CPE: variants seen among roughly 807,000 people sequenced by gnomAD.
CPE encodes carbocypeptidase E.
Under a neutral mutation model 53.5 loss-of-function variants are expected in CPE, and 17 were observed. The ratio of observed to expected loss-of-function variants is 0.32; its 90% CI spans 0.22 to 0.48. The LOEUF is 0.48. Ranked by LOEUF, CPE falls within the 20% of genes least tolerant of loss-of-function variation. The probability of loss-of-function intolerance (pLI) is 0.99; values close to 1 mark genes in which losing one functional copy is unlikely to be tolerated. For synonymous variants in CPE, 226 were observed against 228.8 expected, an observed-to-expected ratio of 0.99 and a Z score of 0.11; for missense variants, 524 against 614.7, an observed-to-expected ratio of 0.85 and a Z score of 1.56.
At chr4:165,404,971 T>C in intron 1 of CPE, 1 of 756,398 alleles carries the variant, frequency 1.3e-6, no homozygotes, top group Non-Finnish European at 2.5e-6. Context: ...TCACTGCTTC[T>C]ACTTCCTTTA....
intron 1 of CPE, among the ~76,000 whole-genome samples, chr4:165,394,542 G>C (rs1209881273): frequency 6.6e-6 from 1 of 151,950 alleles, no homozygotes; most frequent in Non-Finnish European, 1.5e-5. Context: ...GAAGTTAAGG[G>C]TGAATAATAT....
rs138965279 is a variant in CPE at position 165,494,908 on chromosome 4, G to A, written c.1214-651G>A. On this transcript the variant is annotated intron_variant, in intron 7 of 8. Coordinates refer to ENST00000402744, the MANE Select transcript of CPE (RefSeq NM_001873.4). Reference sequence around the variant, plus strand: ...AAAGGAGAAGGTGTGAAGTGTCTACGAAAACCTTGCTCTTCAAAGTGTGGC... The same window carrying A: ...AAAGGAGAAGGTGTGAAGTGTCTACAAAAACCTTGCTCTTCAAAGTGTGGC... 5.7e-4 allele frequency among the ~76,000 whole-genome samples: 87 copies of A among 152,310 alleles called. No individual in the cohort carries two copies. In the East Asian group the frequency reaches 0.015, roughly 27 times the overall value.
At position 165,484,614 on chromosome 4, in the gene CPE, C is replaced by T; in HGVS notation, c.973+10C>T. Reference sequence around the variant, plus strand: ...TACAGCGTACCTGGAGGTGAGTTTCCATTGTGCTCTCTGATTATGTGATTG... The same window carrying T: ...TACAGCGTACCTGGAGGTGAGTTTCTATTGTGCTCTCTGATTATGTGATTG... On this transcript the variant is annotated intron_variant, in intron 5 of 8. Transcript: ENST00000402744. 6.2e-7 allele frequency: 1 copy of T among 1,611,866 alleles called. No homozygotes were observed. The highest frequency in any genetic ancestry group is 1.1e-5 in the South Asian group (1 of 90,710).
chr4:165,493,342 G>C, intron 7 of CPE, 72 bp downstream of exon 7: 1 of 1,093,816 alleles, frequency 9.1e-7, no homozygotes, highest in Non-Finnish European at 1.4e-6. Flanking sequence ...ATAATTATAA[G>C]TCTTATGTTC....
chr4:165,381,975 A>G (rs182722741), intron 1 of CPE, among the ~76,000 whole-genome samples: 2 of 152,310 alleles, frequency 1.3e-5, no homozygotes, highest in Admixed American at 1.3e-4. Flanking sequence ...CCTCTGCACA[A>G]CCCATAGAAG....
At position 165,444,775 on chromosome 4, in the gene CPE, A is replaced by G. The variant is rs191059387; in HGVS notation, c.308-19615A>G. ...GAGAGATTCATCTTGGGCTGTGGCA[A>G]TCTTCAGTTGCACAAACCGTGTGAA... On this transcript the variant is annotated intron_variant, in intron 1 of 8. Coordinates refer to ENST00000402744, the MANE Select transcript of CPE (RefSeq NM_001873.4). Among the ~76,000 whole-genome samples the G allele has an allele frequency of 5.5e-3, 845 of 152,284 alleles. 6 individuals are homozygous for G. The highest frequency in any genetic ancestry group is 0.02 in the African/African-American group (813 of 41,554).
intron 1 of CPE, among the ~76,000 whole-genome samples, chr4:165,445,626 G>A (rs1377414960): frequency 1.3e-5 from 2 of 152,104 alleles, no homozygotes; most frequent in African/African-American, 4.8e-5. Flanking sequence ...GAAGAAAGAT[G>A]TACTTATTGA....
At chr4:165,401,143 T>C (rs1026364890) in intron 1 of CPE, among the ~76,000 whole-genome samples, 1 of 152,216 alleles carries the variant, frequency 6.6e-6, no homozygotes, top group Non-Finnish European at 1.5e-5. Flanking sequence ...CTTCTGGTTC[T>C]CCTGACACCT....
At chr4:165,486,866 C>T (rs911499092) in intron 5 of CPE, among the ~76,000 whole-genome samples, 3 of 152,160 alleles carry the variant, frequency 2.0e-5, no homozygotes, top group Non-Finnish European at 4.4e-5. Flanking sequence ...CGGAGAGAGG[C>T]ATAGACCTGT....
At chr4:165,464,916 A>C (rs541762978) in intron 2 of CPE, among the ~76,000 whole-genome samples, 2 of 152,354 alleles carry the variant, frequency 1.3e-5, no homozygotes, top group African/African-American at 4.8e-5. Flanking sequence ...AAATATAAAA[A>C]ATATCTACTG....
At chr4:165,427,569 T>G (rs1026619075) in intron 1 of CPE, among the ~76,000 whole-genome samples, 2 of 152,210 alleles carry the variant, frequency 1.3e-5, no homozygotes, top group Non-Finnish European at 2.9e-5. Flanking sequence ...AAAATTAATA[T>G]GGGCATTGGG....
chr4:165,456,582 G>GT (rs1376917627), intron 1 of CPE, among the ~76,000 whole-genome samples: 1 of 145,336 alleles, frequency 6.9e-6, no homozygotes, highest in Non-Finnish European at 1.5e-5. Context: ...CTCTTTCTTT[G>GT]TTTCGACGGA....
chr4:165,478,266 A>G (rs1732338386), intron 3 of CPE, among the ~76,000 whole-genome samples: 2 of 152,216 alleles, frequency 1.3e-5, no homozygotes, highest in Non-Finnish European at 2.9e-5. Flanking sequence ...AGGTACTCCA[A>G]AGTCTTCTCT....
At chr4:165,381,765 T>C (rs79658780) in intron 1 of CPE, among the ~76,000 whole-genome samples, 1 of 152,260 alleles carries the variant, frequency 6.6e-6, no homozygotes, top group South Asian at 2.1e-4. Flanking sequence ...ACAAGTTTGA[T>C]GGTGCTTGTG....
In CPE at chr4:165,487,518, G is replaced by A. The variant is rs1217055803; in HGVS notation, c.1054G>A (p.Glu352Lys). Reference protein sequence around the residue: ...ELSCEKFPPEETLKTYWEDNK... With the variant: ...ELSCEKFPPEKTLKTYWEDNK... ...TAGCTGTGAGAAGTTCCCACCTGAA[G>A]AGACTCTGAAGACCTACTGGGAGGA... is the stretch of plus-strand genomic sequence containing the variant. The change falls in exon 6 of 9, where the codon GAG (glutamate) becomes AAG (lysine). Residue 352 changes from glutamate to lysine, a missense_variant. Coordinates refer to ENST00000402744, the MANE Select transcript of CPE (RefSeq NM_001873.4). 3 of 1,614,088 alleles carry A rather than the reference G, an allele frequency of 1.9e-6. No individual in the cohort carries two copies. The Admixed American group carries it at 5.0e-5, about 27-fold the overall frequency.
intron 1 of CPE, among the ~76,000 whole-genome samples, chr4:165,462,224 T>C (rs1485600226): frequency 6.6e-6 from 1 of 152,220 alleles, no homozygotes; most frequent in Non-Finnish European, 1.5e-5. Context: ...GGGAGCATGC[T>C]CTATCCCAAA....
rs539650371 is a variant in CPE, at chr4:165,400,465, A to G, written c.307+20937A>G. Reference sequence around the variant, plus strand: ...TATGATTCAGAGCTGTAGTCTCAAGATAGGACTGGGGGCATATGACGATGC... The same window carrying G: ...TATGATTCAGAGCTGTAGTCTCAAGGTAGGACTGGGGGCATATGACGATGC... On this transcript the variant is annotated intron_variant, in intron 1 of 8. Coordinates refer to ENST00000402744, the MANE Select transcript of CPE (RefSeq NM_001873.4). 5.3e-5 allele frequency among the ~76,000 whole-genome samples: 8 copies of G among 152,304 alleles called. No homozygotes were observed. The South Asian group carries it at 1.2e-3, about 24-fold the overall frequency.
At chr4:165,431,859 G>C (rs1196690505) in intron 1 of CPE, among the ~76,000 whole-genome samples, 1 of 152,066 alleles carries the variant, frequency 6.6e-6, no homozygotes, top group Non-Finnish European at 1.5e-5. Flanking sequence ...AATATTAAAG[G>C]CTTTACAGAA....
intron 1 of CPE, among the ~76,000 whole-genome samples, chr4:165,389,575 T>C (rs1332759512): frequency 6.6e-6 from 1 of 152,210 alleles, no homozygotes; most frequent in East Asian, 1.9e-4. Context: ...GCTTCAAGTA[T>C]TGGTTGTGCT....
Sources: allele counts gnomAD v4.1 joint callset (sites outside exome capture counted in the v4.1 genomes callset), GRCh38; gene constraint gnomAD v4.1.1; transcripts MANE v1.5; gene names NCBI Gene and HGNC (gene_info 2026-07-23, HGNC 2026-07-21).